The following LRRIQ1 variants were observed in gnomAD, a reference collection of about 807,000 sequenced individuals.
LRRIQ1 encodes leucine rich repeats and IQ motif containing 1.
In LRRIQ1, 210 loss-of-function variants were observed where a neutral mutation model predicts 211.9. The observed-to-expected ratio is 0.99, with a 90% CI of 0.89 to 1.11. The LOEUF is 1.11. Ranked by LOEUF, LRRIQ1 falls within the 50% of genes most tolerant of loss-of-function variation. The pLI, the probability that LRRIQ1 is intolerant of heterozygous loss-of-function variation, is 0.00. For missense variants in LRRIQ1, 2,136 were observed against 1,939.5 expected, an observed-to-expected ratio of 1.10 and a Z score of -1.90; for synonymous variants, 699 against 650.1, an observed-to-expected ratio of 1.08 and a Z score of -1.14.
In LRRIQ1 at chr12:85,055,848, A is replaced by T. The variant is rs772926436; in HGVS notation, c.1055A>T (p.Gln352Leu). ...AGGATAAAAGAAGAGAGAAAAAAGC[A>T]AAAGGAAGAGGAAAGGAAAAGGAGA... ...EQRIKEERKK[Q>L]KEEERKRREK... The change falls in exon 8 of 27, where the codon CAA becomes CTA. Residue 352 changes from glutamine to leucine, a missense_variant. Coordinates refer to ENST00000393217, the MANE Select transcript of LRRIQ1 (RefSeq NM_001079910.2). 1 of 1,589,570 alleles carries T rather than the reference A, an allele frequency of 6.3e-7. No individual in the cohort carries two copies. Among genetic ancestry groups the T allele is most frequent in the Non-Finnish European group, 8.5e-7 (1 of 1,169,600 alleles).
intron 11 of LRRIQ1, among the ~76,000 whole-genome samples, chr12:85,089,975 A>C (rs1885213294): frequency 6.6e-6 from 1 of 152,202 alleles, no homozygotes; most frequent in Admixed American, 6.5e-5. Flanking sequence ...AGGAGGACTG[A>C]ATGGTTTCCT....
intron 1 of LRRIQ1, among the ~76,000 whole-genome samples, chr12:85,256,355 ATTGT>A (rs1317345405): frequency 6.6e-6 from 1 of 151,634 alleles, no homozygotes; most frequent in East Asian, 1.9e-4. Context: ...TCTTTCTTAA[ATTGT>A]TTGACTTGTA....
chr12:85,219,862 A>G (rs1165194855), intron 24 of LRRIQ1, among the ~76,000 whole-genome samples: 2 of 152,172 alleles, frequency 1.3e-5, no homozygotes, highest in Non-Finnish European at 1.5e-5. Context: ...AATGCTGTCA[A>G]CTTTCCAACA....
At chr12:85,227,728 A>T (rs1894733624) in intron 24 of LRRIQ1, among the ~76,000 whole-genome samples, 1 of 152,190 alleles carries the variant, frequency 6.6e-6, no homozygotes, top group Non-Finnish European at 1.5e-5. Flanking sequence ...ATCCTAAGCC[A>T]AAAGAACAAA....
intron 10 of LRRIQ1, among the ~76,000 whole-genome samples, chr12:85,070,243 T>C (rs1882942636): frequency 6.6e-6 from 1 of 152,008 alleles, no homozygotes; most frequent in South Asian, 2.1e-4. Flanking sequence ...GATTTACTTT[T>C]AGTGATGCTA....
intron 11 of LRRIQ1, among the ~76,000 whole-genome samples, chr12:85,074,817 A>G (rs541131131): frequency 6.0e-4 from 92 of 152,234 alleles, no homozygotes; most frequent in Non-Finnish European, 1.1e-3. Context: ...TGGTTCATGG[A>G]AAACCTTTAG....
rs149954177 is a variant in LRRIQ1 at position 85,165,906 on chromosome 12, G to A, written c.4822+5192G>A. On this transcript the variant is annotated intron_variant, in intron 24 of 26. Coordinates refer to ENST00000393217, the MANE Select transcript of LRRIQ1 (RefSeq NM_001079910.2). ...GTGACTAGTGCCGCGATGTACATAC[G>A]AGTGCATGTCTTTTTGGTAGAAGGA... Among the ~76,000 whole-genome samples the A allele has an allele frequency of 5.9e-5, 9 of 152,198 alleles. No homozygotes were observed. The East Asian group carries it at 1.2e-3, about 20-fold the overall frequency.
chr12:85,188,237 A>T (rs1892324919), intron 24 of LRRIQ1, among the ~76,000 whole-genome samples: 1 of 152,120 alleles, frequency 6.6e-6, no homozygotes, highest in South Asian at 2.1e-4. Flanking sequence ...TGTTCTGGTT[A>T]GGCTAATTTA....
intron 18 of LRRIQ1, among the ~76,000 whole-genome samples, chr12:85,136,664 T>C (rs1023999818): frequency 6.7e-6 from 1 of 149,454 alleles, no homozygotes; most frequent in Non-Finnish European, 1.5e-5. Flanking sequence ...TTTCACCATT[T>C]TGTATATTTC....
chr12:85,243,947 A>G (rs1895593772), intron 26 of LRRIQ1, among the ~76,000 whole-genome samples: 1 of 151,516 alleles, frequency 6.6e-6, no homozygotes, highest in Non-Finnish European at 1.5e-5. Context: ...AACATCAAAC[A>G]TTAAGAACAA....
At chr12:85,126,546 T>G (rs1304263790) in intron 17 of LRRIQ1, among the ~76,000 whole-genome samples, 2 of 152,204 alleles carry the variant, frequency 1.3e-5, no homozygotes, top group African/African-American at 4.8e-5. Flanking sequence ...TATCAAAATT[T>G]ACAAAGTTCT....
chr12:85,088,752 G>GGT (rs1308764874), intron 11 of LRRIQ1, among the ~76,000 whole-genome samples: 3 of 152,040 alleles, frequency 2.0e-5, no homozygotes, highest in Admixed American at 2.0e-4. Flanking sequence ...GTCTGTTATT[G>GGT]GTGTAGAGGA....
At chr12:85,204,420 A>C (rs1893445127) in intron 24 of LRRIQ1, among the ~76,000 whole-genome samples, 1 of 152,184 alleles carries the variant, frequency 6.6e-6, no homozygotes, top group Non-Finnish European at 1.5e-5. Context: ...TCCAGACCCC[A>C]AAATGGTAGA....
intron 1 of LRRIQ1, among the ~76,000 whole-genome samples, chr12:85,257,127 T>TATTATATATTATATATTTATATA: frequency 1.7e-4 from 3 of 17,604 alleles, no homozygotes; most frequent in African/African-American, 6.2e-4. Flanking sequence ...ACATAATATA[T>TATTATATATTATATATTTATATA]AATATATATT....
intron 20 of LRRIQ1, 47 bp downstream of exon 20, chr12:85,152,416 TTAAGG>T: frequency 6.9e-7 from 1 of 1,454,622 alleles, no homozygotes; most frequent in Non-Finnish European, 9.6e-7. Flanking sequence ...TGCTCATTTC[TTAAGG>T]TTATGCTATG....
intron 13 of LRRIQ1, among the ~76,000 whole-genome samples, chr12:85,099,683 A>G (rs964929165): frequency 1.3e-5 from 2 of 151,860 alleles, no homozygotes; most frequent in African/African-American, 4.8e-5. Context: ...AGTAGGGGAA[A>G]GAAACCACCT....
the LRRIQ1 span, among the ~76,000 whole-genome samples, chr12:85,269,674 T>G: frequency 6.6e-6 from 1 of 151,998 alleles, no homozygotes; most frequent in African/African-American, 2.4e-5. Context: ...GGGATTGAGT[T>G]CCTTGAGGCC....
At chr12:85,123,464 C>G (rs957702758) in intron 16 of LRRIQ1, among the ~76,000 whole-genome samples, 3 of 152,146 alleles carry the variant, frequency 2.0e-5, no homozygotes, top group Admixed American at 1.3e-4. Flanking sequence ...CTGAGAACTT[C>G]AAATCCAGCC....
At chr12:85,121,119 C>A (rs1887950985) in intron 15 of LRRIQ1, among the ~76,000 whole-genome samples, 1 of 151,986 alleles carries the variant, frequency 6.6e-6, no homozygotes, top group Non-Finnish European at 1.5e-5. Flanking sequence ...AGGTGCGCAC[C>A]ACCAAAAATT....
Sources: gnomAD v4.1 joint callset for allele counts (sites outside exome capture counted in the v4.1 genomes callset) on GRCh38, gnomAD v4.1.1 for gene constraint, MANE v1.5 for transcripts, NCBI Gene and HGNC (gene_info 2026-07-23, HGNC 2026-07-21) for gene names.